CELF4: variants seen among roughly 807,000 people sequenced by gnomAD.
CELF4 encodes the protein CUGBP Elav-like family member 4.
CELF4 carries 18 observed loss-of-function variants against 59.9 expected under a neutral mutation model. The ratio of observed to expected loss-of-function variants is 0.30; its 90% confidence interval spans 0.21 to 0.45. The LOEUF (loss-of-function observed/expected upper bound fraction) is 0.45. CELF4 is among the 20% of genes least tolerant of loss of function. The pLI, the probability that CELF4 is intolerant of heterozygous loss-of-function variation, is 1.00. For synonymous variants in CELF4, 261 were observed against 267.1 expected, an observed-to-expected ratio of 0.98 and a Z score of 0.22; for missense variants, 456 against 689.0, an observed-to-expected ratio of 0.66 and a Z score of 3.79.
intron 2 of CELF4, among the ~76,000 whole-genome samples, chr18:37,427,764 C>G (rs904909849): frequency 1.3e-5 from 2 of 152,232 alleles, no homozygotes; most frequent in Non-Finnish European, 2.9e-5. Context: ...CTCAGTGCTG[C>G]TGTTCTCTGC....
At chr18:37,498,233 G>A (rs2099927413) in intron 1 of CELF4, among the ~76,000 whole-genome samples, 1 of 152,136 alleles carries the variant, frequency 6.6e-6, no homozygotes. Context: ...AGCTCCCCCA[G>A]GTGCCTTCCT....
At chr18:37,484,264 T>G (rs2099876398) in intron 2 of CELF4, among the ~76,000 whole-genome samples, 1 of 152,338 alleles carries the variant, frequency 6.6e-6, no homozygotes, top group East Asian at 1.9e-4. Flanking sequence ...TCCTACAATA[T>G]GGCTTTATGC....
intron 1 of CELF4, among the ~76,000 whole-genome samples, chr18:37,526,671 C>T (rs1185842245): frequency 1.3e-5 from 2 of 152,218 alleles, no homozygotes; most frequent in East Asian, 3.9e-4. Flanking sequence ...GCCTCAGGAT[C>T]ATGTTAGGTT....
At chr18:37,550,082 GT>G (rs1205445892) in intron 1 of CELF4, among the ~76,000 whole-genome samples, 2 of 109,762 alleles carry the variant, frequency 1.8e-5, no homozygotes, top group African/African-American at 8.2e-5. Context: ...GGTCCAATGG[GT>G]GGGGGGGGGG....
chr18:37,274,060 C>A, intron 6 of CELF4: 2 of 1,331,500 alleles, frequency 1.5e-6, no homozygotes, highest in Non-Finnish European at 1.9e-6. Context: ...TCTGTGGGGC[C>A]TCTCTCAGCT....
chr18:37,392,659 T>C (rs532341011), intron 2 of CELF4, among the ~76,000 whole-genome samples: 2 of 152,294 alleles, frequency 1.3e-5, no homozygotes, highest in East Asian at 3.9e-4. Context: ...TAATTCCTGG[T>C]CCCCAAAGCA....
At chr18:37,311,385 C>T (rs567524395) in intron 3 of CELF4, among the ~76,000 whole-genome samples, 5 of 152,284 alleles carry the variant, frequency 3.3e-5, no homozygotes, top group East Asian at 1.9e-4. Context: ...CAATTCTTCA[C>T]GCAGCTGCTG....
chr18:37,331,748 G>A (rs1474609147), intron 2 of CELF4, among the ~76,000 whole-genome samples: 1 of 141,828 alleles, frequency 7.1e-6, no homozygotes, highest in Non-Finnish European at 1.5e-5. Context: ...GCAGGGTGTG[G>A]ATGGGGTGGG....
chr18:37,313,160 C>A (rs933601952), intron 3 of CELF4, among the ~76,000 whole-genome samples: 1 of 152,200 alleles, frequency 6.6e-6, no homozygotes, highest in Admixed American at 6.5e-5. Flanking sequence ...ATCCCAGGGT[C>A]TCCCAGGCAG....
intron 2 of CELF4, among the ~76,000 whole-genome samples, chr18:37,333,946 G>A (rs1411305947): frequency 6.6e-6 from 1 of 152,072 alleles, no homozygotes; most frequent in Non-Finnish European, 1.5e-5. Flanking sequence ...GGGCCTTGCT[G>A]GGAGGGCACC....
intron 2 of CELF4, among the ~76,000 whole-genome samples, chr18:37,478,050 C>T (rs1001196248): frequency 2.0e-5 from 3 of 152,346 alleles, no homozygotes; most frequent in Admixed American, 1.3e-4. Context: ...CTTTATTATA[C>T]TTGTCACCAA....
intron 2 of CELF4, among the ~76,000 whole-genome samples, chr18:37,343,530 A>G (rs2098133508): frequency 6.6e-6 from 1 of 151,782 alleles, no homozygotes; most frequent in South Asian, 2.1e-4. Context: ...CTTTGTGTTC[A>G]GCCTCCCCAC....
chr18:37,304,261 CG>C (rs2096259485), intron 3 of CELF4, among the ~76,000 whole-genome samples: 2 of 152,146 alleles, frequency 1.3e-5, no homozygotes, highest in South Asian at 4.1e-4. Flanking sequence ...AAGCAATGCA[CG>C]GAAAACACAT....
chr18:37,375,811 C>T (rs1199366373), intron 2 of CELF4, among the ~76,000 whole-genome samples: 1 of 152,128 alleles, frequency 6.6e-6, no homozygotes, highest in Non-Finnish European at 1.5e-5. Flanking sequence ...CTCTTCCACC[C>T]CCAAGCATCT....
intron 2 of CELF4, among the ~76,000 whole-genome samples, chr18:37,393,756 C>T (rs536053453): frequency 6.5e-4 from 93 of 142,646 alleles, no homozygotes; most frequent in Non-Finnish European, 9.9e-4. Flanking sequence ...TTTTAACTAA[C>T]AACCCATCCC....
At chr18:37,426,992 G>T (rs1205808944) in intron 2 of CELF4, among the ~76,000 whole-genome samples, 5 of 150,114 alleles carry the variant, frequency 3.3e-5, no homozygotes, top group Admixed American at 6.7e-5. Flanking sequence ...GATGGTCAAG[G>T]GGGCTGAGGC....
chr18:37,311,871 G>T (rs1273499061), intron 3 of CELF4, among the ~76,000 whole-genome samples: 3 of 151,460 alleles, frequency 2.0e-5, no homozygotes, highest in South Asian at 2.1e-4. Flanking sequence ...CAGCACTTTG[G>T]GAGGCCGAGG....
At chr18:37,429,146 G>A (rs963576705) in intron 2 of CELF4, among the ~76,000 whole-genome samples, 15 of 152,194 alleles carry the variant, frequency 9.9e-5, no homozygotes, top group African/African-American at 3.6e-4. Flanking sequence ...ACAGGGGCTG[G>A]GGCCATCGCT....
At chr18:37,320,923 C>T (rs960915344) in intron 3 of CELF4, among the ~76,000 whole-genome samples, 5 of 151,988 alleles carry the variant, frequency 3.3e-5, no homozygotes, top group African/African-American at 1.2e-4. Flanking sequence ...GGAGCTGGTG[C>T]CCGGGTAGGG....
Sources: allele counts gnomAD v4.1 joint callset (sites outside exome capture counted in the v4.1 genomes callset), GRCh38; gene constraint gnomAD v4.1.1; transcripts MANE v1.5; gene names NCBI Gene and HGNC (gene_info 2026-07-23, HGNC 2026-07-21).